The following CYP4F11 variants were observed in gnomAD, a reference collection of about 807,000 sequenced individuals.
The protein encoded by CYP4F11 is cytochrome P450 4F11.
Under a neutral mutation model 62.2 loss-of-function variants are expected in CYP4F11, and 79 were observed. That is an observed-to-expected ratio of 1.27 (90% CI 1.06 to 1.53). The LOEUF (loss-of-function observed/expected upper bound fraction) is 1.53. Among genes scored for constraint, CYP4F11 ranks in the 40% most tolerant of loss-of-function variants. The probability of loss-of-function intolerance (pLI) is 0.00; values close to 1 mark genes in which losing one functional copy is unlikely to be tolerated. For synonymous variants in CYP4F11, 290 were observed against 263.7 expected, an observed-to-expected ratio of 1.10 and a Z score of -0.97; for missense variants, 777 against 680.5, an observed-to-expected ratio of 1.14 and a Z score of -1.58.
chr19:15,929,475 G>T lies in CYP4F11; in HGVS notation c.325C>A (p.Pro109Thr). ...CGGGTACCTGAGGCACTGGTGATAG[G>T]CCGGATAATGTCAGGGTGGCATAAA... The part of the protein sequence containing the change: ...LILCHPDIIR[P>T]ITSASAAVAP... The change falls in exon 2 of 12, where the codon CCT becomes ACT. Residue 109 changes from proline (P) to threonine (T), a missense_variant. Coordinates refer to ENST00000402119, the MANE Select transcript of CYP4F11 (RefSeq NM_021187.4). The T allele has an allele frequency of 6.2e-7, 1 of 1,614,140 alleles. No individual in the cohort carries two copies.
In CYP4F11 at chr19:15,929,546, G is replaced by A; in HGVS notation, c.254C>T (p.Pro85Leu). Residue 85 changes from proline to leucine, a missense_variant, in exon 2 of 12, where the codon CCC (proline) becomes CTC (leucine). Transcript: ENST00000402119. ...ACCCAGCCACAACTTAAAGCCCTGGGGATATGTGGTCACCAGCTGGGTCAA... is the reference window on the plus strand; with the variant it reads ...ACCCAGCCACAACTTAAAGCCCTGGAGATATGTGGTCACCAGCTGGGTCAA... ...KTLTQLVTTY[P>L]QGFKLWLGPT... 6.2e-7 allele frequency: 1 copy of A among 1,613,908 alleles called. No individual in the cohort carries two copies. The highest frequency in any genetic ancestry group is 8.5e-7 in the Non-Finnish European group (1 of 1,179,860).
Position 15,921,284 on chromosome 19 carries a change from C to G in CYP4F11, c.1115+753G>C, listed in dbSNP as rs2089627077. 2.0e-5 allele frequency among the ~76,000 whole-genome samples: 3 copies of G among 152,182 alleles called. No individual in the cohort carries two copies. The South Asian group carries it at 6.2e-4, about 32-fold the overall frequency. ...AAAAATTCTCACTATGTTGTCCAGG[C>G]TCATCTTGAAGTACTGGCCTCAAGT... is the stretch of plus-strand genomic sequence containing the variant. On this transcript the variant is annotated intron_variant, in intron 8 of 11. Transcript: ENST00000402119.
intron 1 of CYP4F11, among the ~76,000 whole-genome samples, chr19:15,930,984 G>A (rs2089710204): frequency 6.6e-6 from 1 of 152,182 alleles, no homozygotes; most frequent in Non-Finnish European, 1.5e-5. Context: ...CATCAATTTT[G>A]CCATTTACAA....
rs570135539 is a variant in CYP4F11, at chr19:15,914,912, G to T, written c.1116-17C>A. 2 of 1,612,454 alleles carry T rather than the reference G, an allele frequency of 1.2e-6. No homozygotes were observed. The highest frequency in any genetic ancestry group is 1.7e-6 in the Non-Finnish European group (2 of 1,179,590). The stretch of plus-strand genomic sequence containing the variant: ...AGGTCGTCCCTAAGAAAACACCCCA[G>T]CCCCAATCATTATCAAGGGAACAAA... On this transcript the variant is annotated splice_polypyrimidine_tract_variant and intron_variant, in intron 8 of 11. Transcript: ENST00000402119.
rs1468371534 is a variant in CYP4F11, at chr19:15,934,097, T to C, written c.198+114A>G. The C allele has an allele frequency of 3.7e-6, 4 of 1,094,700 alleles. No individual in the cohort carries two copies. The African/African-American group carries it at 6.4e-5, about 17-fold the overall frequency. The allele number at this position is 1,094,700 out of a possible 1,614,324, so 67.8% of individuals were successfully genotyped here. ...ATGAGTGAGCTGCCTCCCTCTCTTC[T>C]CTGTGTTCCCACACCCCAGCCACCC... On this transcript the variant is annotated intron_variant, in intron 1 of 11. Coordinates refer to ENST00000402119, the MANE Select transcript of CYP4F11 (RefSeq NM_021187.4).
chr19:15,923,238 C>CCTCTCTCTCTCTCTCTCTCTCTCTCT (rs3056063), intron 6 of CYP4F11, among the ~76,000 whole-genome samples: 3 of 110,458 alleles, frequency 2.7e-5, no homozygotes, highest in Admixed American at 9.3e-5. Flanking sequence ...AAGCAAACAT[C>CCTCTCTCTCTCTCTCTCTCTCTCTCT]CTCTCTCTCT....
chr19:15,926,811 G>A (rs919142327), intron 4 of CYP4F11, among the ~76,000 whole-genome samples: 5 of 150,256 alleles, frequency 3.3e-5, no homozygotes, highest in African/African-American at 1.2e-4. Flanking sequence ...AGCTGTTCAT[G>A]TACCAAGAGT....
intron 6 of CYP4F11, among the ~76,000 whole-genome samples, chr19:15,923,217 A>G (rs553328312): frequency 4.0e-5 from 6 of 148,456 alleles, no homozygotes; most frequent in Admixed American, 1.3e-4. Flanking sequence ...AGTAGTTTTT[A>G]TTCCAGAACA....
chr19:15,931,552 A>ATGAGTGAGCGAGGAGAGGAG (rs2089718844), intron 1 of CYP4F11, among the ~76,000 whole-genome samples: 2 of 112,072 alleles, frequency 1.8e-5, no homozygotes, highest in Non-Finnish European at 4.0e-5. Context: ...GGGGAGAGGA[A>ATGAGTGAGCGAGGAGAGGAG]TGAGTGAGCG....
intron 8 of CYP4F11, among the ~76,000 whole-genome samples, chr19:15,918,160 G>A (rs190064608): frequency 7.5e-4 from 114 of 152,226 alleles, no homozygotes; most frequent in Non-Finnish European, 1.1e-3. Flanking sequence ...GCTGGAAGCC[G>A]TTATTCTCAG....
At chr19:15,929,850 C>T (rs996298048) in intron 1 of CYP4F11, among the ~76,000 whole-genome samples, 5 of 152,164 alleles carry the variant, frequency 3.3e-5, no homozygotes, top group Non-Finnish European at 1.5e-5. Flanking sequence ...GCAGATACAA[C>T]AAAGAGGCAG....
Position 15,927,433 on chromosome 19 carries a change from G to A in CYP4F11, c.394C>T (p.Leu132=). 2 of 1,614,110 alleles carry A rather than the reference G, an allele frequency of 1.2e-6. No homozygotes were observed. The highest frequency in any genetic ancestry group is 2.2e-5 in the South Asian group (2 of 91,086). The stretch of plus-strand genomic sequence containing the variant: ...CCCATTCACCTCAATTACTCACCCA[G>A]CCAGGGCTTCAGGAAGCCATAGAAA... The part of the protein sequence containing the change: ...MIFYGFLKPW[L]GDGLLLSGGD... The change falls in exon 3 of 12, where the codon CTG becomes TTG. Residue 132 remains leucine (L), a synonymous_variant. Coordinates refer to ENST00000402119, the MANE Select transcript of CYP4F11 (RefSeq NM_021187.4).
At chr19:15,915,030 A>C in intron 8 of CYP4F11, 135 bp from the exon 9 acceptor site, 1 of 1,407,470 alleles carries the variant, frequency 7.1e-7, no homozygotes, top group Non-Finnish European at 9.4e-7. Context: ...GAGAATTTAA[A>C]AAGCAGAAAA....
rs767864124 is a variant in CYP4F11 at position 15,914,754 on chromosome 19, G to A, written c.1249+8C>T. On this transcript the variant is annotated splice_region_variant and intron_variant, in intron 9 of 11. Coordinates refer to ENST00000402119, the MANE Select transcript of CYP4F11 (RefSeq NM_021187.4). ...CCAGGAGGCTCCTCCCCCTGAGGCT[G>A]TGAGCACCTTTGGGGATGACGCGGC... 1.2e-6 allele frequency: 2 copies of A among 1,614,102 alleles called. No homozygotes were observed. Among genetic ancestry groups the A allele is most frequent in the Admixed American group, 1.7e-5 (1 of 60,022 alleles).
intron 1 of CYP4F11, among the ~76,000 whole-genome samples, chr19:15,929,918 G>A (rs1290537534): frequency 6.6e-6 from 1 of 152,116 alleles, no homozygotes; most frequent in Non-Finnish European, 1.5e-5. Context: ...AGAACTCCAG[G>A]TTCTCAGGCC....
chr19:15,930,345 C>G (rs1036769142), intron 1 of CYP4F11, among the ~76,000 whole-genome samples: 2 of 152,084 alleles, frequency 1.3e-5, no homozygotes, highest in Non-Finnish European at 2.9e-5. Context: ...AATCCCAGCA[C>G]TTTGGGAGGC....
intron 8 of CYP4F11, among the ~76,000 whole-genome samples, chr19:15,917,249 T>C (rs774443142): frequency 6.6e-6 from 1 of 152,146 alleles, no homozygotes; most frequent in Non-Finnish European, 1.5e-5. Flanking sequence ...CAGAGTGATA[T>C]AATGGACTTT....
chr19:15,930,511 G>C (rs939851525), intron 1 of CYP4F11, among the ~76,000 whole-genome samples: 9 of 152,160 alleles, frequency 5.9e-5, no homozygotes, highest in Admixed American at 6.5e-5. Context: ...AGAATCACTT[G>C]AACCTGGGAG....
In CYP4F11 at chr19:15,917,263, G is replaced by A. The variant is rs534527437; in HGVS notation, c.1116-2368C>T. Among the ~76,000 whole-genome samples the A allele has an allele frequency of 1.6e-4, 25 of 152,218 alleles. 1 individual carries two copies. In the East Asian group the frequency reaches 4.8e-3, roughly 29 times the overall value. ...ACAGAGTGATATAATGGACTTTGGG[G>A]ACTCAGGGAGGGACGTTGGGAGGGA... is the stretch of plus-strand genomic sequence containing the variant. On this transcript the variant is annotated intron_variant, in intron 8 of 11. Coordinates refer to ENST00000402119, the MANE Select transcript of CYP4F11 (RefSeq NM_021187.4).
Sources: allele counts gnomAD v4.1 joint callset (sites outside exome capture counted in the v4.1 genomes callset), GRCh38; gene constraint gnomAD v4.1.1; transcripts MANE v1.5; gene names NCBI Gene and HGNC (gene_info 2026-07-23, HGNC 2026-07-21).